Variants in UBE2A observed in about 807,000 individuals in gnomAD.
The protein encoded by UBE2A is ubiquitin-conjugating enzyme E2 A.
For synonymous variants in UBE2A, 39 were observed against 41.1 expected, an observed-to-expected ratio of 0.95 and a Z score of 0.20; for missense variants, 27 against 125.8, an observed-to-expected ratio of 0.21 and a Z score of 3.76.
intron 3 of UBE2A, chrX:119,580,205 A>G (rs771300516): frequency 1.6e-4 from 18 of 112,134 alleles, no homozygotes; most frequent in Non-Finnish European, 3.0e-4. Context: ...GTTGCATTTT[A>G]TATTATTTTG....
chrX:119,581,107 C>T (rs1418670804), intron 3 of UBE2A: 2 of 117,488 alleles, frequency 1.7e-5, no homozygotes, highest in East Asian at 5.2e-4. Context: ...TGCTTTCATT[C>T]TTTCTAGTCT....
At chrX:119,575,544 T>C (rs1319292163) in intron 3 of UBE2A, 144 bp downstream of exon 3, 1 of 746,213 alleles carries the variant, frequency 1.3e-6, no homozygotes, top group Non-Finnish European at 2.0e-6. Flanking sequence ...ATGCAGTGTG[T>C]GGCTGGTGGT....
At chrX:119,580,479 T>C (rs1210041740) in intron 3 of UBE2A, 1 of 112,539 alleles carries the variant, frequency 8.9e-6, no homozygotes, top group Non-Finnish European at 1.9e-5. Context: ...ACCAGAGTAA[T>C]ATAGTGGAAC....
chrX:119,583,084 G>T, intron 5 of UBE2A, 43 bp from the exon 6 acceptor site: 1 of 1,203,396 alleles, frequency 8.3e-7, no homozygotes, highest in Non-Finnish European at 1.1e-6. Flanking sequence ...TAAAATAGTT[G>T]TTTTGCATTA....
chrX:119,577,532 T>TA (rs766766110), intron 3 of UBE2A, among the ~76,000 whole-genome samples: 25 of 110,996 alleles, frequency 2.3e-4, no homozygotes, highest in African/African-American at 7.5e-4. Context: ...TGAAAGGAAT[T>TA]ACTCAGGCTG....
chrX:119,576,143 TA>T (rs2053414291), intron 3 of UBE2A, among the ~76,000 whole-genome samples: 1 of 112,144 alleles, frequency 8.9e-6, no homozygotes, highest in African/African-American at 3.2e-5. Flanking sequence ...GTTTAACTTT[TA>T]AAAACACGTG....
intron 3 of UBE2A, among the ~76,000 whole-genome samples, chrX:119,576,079 C>G (rs2053414080): frequency 8.9e-6 from 1 of 112,128 alleles, no homozygotes; most frequent in Admixed American, 9.5e-5. Context: ...CAGTGTCCTG[C>G]CTACCTGAAA....
intron 2 of UBE2A, 114 bp downstream of exon 2, chrX:119,575,095 C>T: frequency 1.0e-6 from 1 of 980,345 alleles, no homozygotes. Flanking sequence ...ATGTTTGGGT[C>T]TGGCTGGGCC....
At chrX:119,582,228 T>C (rs945928151) in intron 4 of UBE2A, 1 of 135,453 alleles carries the variant, frequency 7.4e-6, no homozygotes, top group Non-Finnish European at 1.5e-5. Context: ...GATCTTTTGT[T>C]ATTTCAGATA....
Position 119,584,038 on chromosome X carries a change from A to T in UBE2A, c.*783A>T, listed in dbSNP as rs921407079. ...GGAGCTCCTTTAATCTTTTTAAAGG[A>T]TCAGTGCTGCCCTAAGTGAATAAAC... On this transcript the variant is annotated 3_prime_UTR_variant, in exon 6 of 6. Transcript: ENST00000371558. 8.9e-6 allele frequency: 1 copy of T among 112,330 alleles called. No homozygotes were observed. The highest frequency in any genetic ancestry group is 3.2e-5 in the African/African-American group (1 of 30,785). 9.3% of individuals were successfully genotyped at this position (112,330 alleles called of 1,213,427 possible). A position where few individuals can be genotyped will look rare whatever the true frequency, so the allele number is the denominator to read the frequency against.
chrX:119,574,836 C>T (rs973949972), intron 1 of UBE2A, 65 bp from the exon 2 acceptor site: 43 of 1,200,173 alleles, frequency 3.6e-5, no homozygotes, highest in Non-Finnish European at 4.4e-5. Context: ...GCGGGGAGGG[C>T]TGGGGAGCGG....
At chrX:119,575,172 G>A (rs1056134720) in intron 2 of UBE2A, 191 bp downstream of exon 2, 1 of 744,638 alleles carries the variant, frequency 1.3e-6, no homozygotes, top group Admixed American at 2.7e-5. Context: ...ACCGCTTGGG[G>A]TTCTAGGGGG....
At position 119,581,137 on chromosome X, in the gene UBE2A, G is replaced by A. The variant is rs184789804; in HGVS notation, c.152-370G>A. 3.1e-3 allele frequency: 403 copies of A among 129,515 alleles called. 3 individuals are homozygous for A. Among genetic ancestry groups the A allele is most frequent in the African/African-American group, 0.012 (385 of 31,243 alleles). 10.7% of individuals were successfully genotyped at this position (129,515 alleles called of 1,213,427 possible). ...TAGTCTGTCTAAAAATCACTGGAGCGTTTAAGATGGCAGCTGACTAACATA... is the reference window on the plus strand; with the variant it reads ...TAGTCTGTCTAAAAATCACTGGAGCATTTAAGATGGCAGCTGACTAACATA... On this transcript the variant is annotated intron_variant, in intron 3 of 5. Coordinates refer to ENST00000371558, the MANE Select transcript of UBE2A (RefSeq NM_003336.4).
At chrX:119,575,112 CCT>C in intron 2 of UBE2A, 131 bp downstream of exon 2, 1 of 891,969 alleles carries the variant, frequency 1.1e-6, no homozygotes. Flanking sequence ...GGCCTAGGCG[CCT>C]CCCCGGAGCC....
chrX:119,575,769 C>G (rs746773714), intron 3 of UBE2A: 66 of 187,120 alleles, frequency 3.5e-4, no homozygotes, highest in Non-Finnish European at 5.5e-4. Flanking sequence ...ACCCCAGAGA[C>G]CATCTGGTTC....
chrX:119,575,628 G>A (rs752588454), intron 3 of UBE2A: 21 of 412,881 alleles, frequency 5.1e-5, no homozygotes, highest in African/African-American at 5.0e-4. Flanking sequence ...GTGTAAGGCA[G>A]TCACTTTTTA....
chrX:119,579,447 AATT>A (rs1286910361), intron 3 of UBE2A, among the ~76,000 whole-genome samples: 39 of 112,334 alleles, frequency 3.5e-4, no homozygotes, highest in African/African-American at 1.2e-3. Context: ...GAAACTTTAG[AATT>A]ATTATAGCAA....
chrX:119,582,477 G>A, intron 4 of UBE2A, 111 bp from the exon 5 acceptor site: 1 of 510,943 alleles, frequency 2.0e-6, no homozygotes, highest in Non-Finnish European at 3.3e-6. Flanking sequence ...AAGCAACATA[G>A]GAATCTTTAA....
At chrX:119,575,726 A>G in intron 3 of UBE2A, 1 of 257,542 alleles carries the variant, frequency 3.9e-6, no homozygotes, top group Non-Finnish European at 7.0e-6. Context: ...CTGAATTAGT[A>G]TAAACCCAAC....
Sources: allele counts gnomAD v4.1 joint callset (sites outside exome capture counted in the v4.1 genomes callset), GRCh38; gene constraint gnomAD v4.1.1; transcripts MANE v1.5; gene names NCBI Gene and HGNC (gene_info 2026-07-23, HGNC 2026-07-21).